The following GABBR2 variants were observed in gnomAD, a reference collection of about 807,000 sequenced individuals.
The protein encoded by GABBR2 is gamma-aminobutyric acid type B receptor subunit 2, also known as G-protein coupled receptor 51.
A neutral mutation model predicts 105.6 loss-of-function variants in GABBR2; 23 were observed. The observed-to-expected ratio is 0.22, with a 90% CI of 0.16 to 0.31. The LOEUF (loss-of-function observed/expected upper bound fraction) is 0.31, where lower values mean the gene tolerates loss of function less well. Ranked by LOEUF, GABBR2 falls within the 10% of genes least tolerant of loss-of-function variation. GABBR2 has a pLI of 1.00. For missense variants in GABBR2, 734 were observed against 1,245.5 expected (o/e 0.59, Z 6.18); for synonymous variants, 478 against 499.7 (o/e 0.96, Z 0.58).
At chr9:98,590,996 G>T (rs1564124108) in intron 1 of GABBR2, among the ~76,000 whole-genome samples, 2 of 152,298 alleles carry the variant, frequency 1.3e-5, no homozygotes, top group East Asian at 3.9e-4. Flanking sequence ...CATAAAAAGT[G>T]ACATACAGTC....
At chr9:98,570,111 A>G (rs1032916874) in intron 2 of GABBR2, among the ~76,000 whole-genome samples, 5 of 152,194 alleles carry the variant, frequency 3.3e-5, no homozygotes, top group Non-Finnish European at 7.3e-5. Flanking sequence ...CATAGAGTCA[A>G]CATCCTCCCA....
At chr9:98,340,727 G>A (rs1588111522) in intron 13 of GABBR2, among the ~76,000 whole-genome samples, 1 of 152,246 alleles carries the variant, frequency 6.6e-6, no homozygotes, top group Non-Finnish European at 1.5e-5. Flanking sequence ...CCCTGATGAT[G>A]AACCATTTAC....
At chr9:98,546,629 C>G (rs1193698551) in intron 2 of GABBR2, among the ~76,000 whole-genome samples, 1 of 152,172 alleles carries the variant, frequency 6.6e-6, no homozygotes, top group Non-Finnish European at 1.5e-5. Flanking sequence ...ATTTGCCTGT[C>G]ACTTTTTTAT....
At chr9:98,349,943 G>A (rs1407312285) in intron 13 of GABBR2, among the ~76,000 whole-genome samples, 1 of 152,042 alleles carries the variant, frequency 6.6e-6, no homozygotes, top group African/African-American at 2.4e-5. Flanking sequence ...ATTGGTCTGT[G>A]TAGGTTTTCT....
In GABBR2 at chr9:98,644,709, G is replaced by A. The variant is rs371604539; in HGVS notation, c.321+63708C>T. Reference sequence around the variant, plus strand: ...ACACAAAAATTAGCTGGGCATAGTGGCAGCCACAGCTACTCAGGAGGCTGA... The same window carrying A: ...ACACAAAAATTAGCTGGGCATAGTGACAGCCACAGCTACTCAGGAGGCTGA... On this transcript the variant is annotated intron_variant, in intron 1 of 18. Transcript: ENST00000259455. Among the ~76,000 whole-genome samples the A allele has an allele frequency of 2.4e-4, 37 of 152,278 alleles. 1 individual carries two copies. Among genetic ancestry groups the A allele is most frequent in the African/African-American group, 8.9e-4 (37 of 41,570 alleles).
chr9:98,644,551 C>T (rs1043833366), intron 1 of GABBR2, among the ~76,000 whole-genome samples: 2 of 152,146 alleles, frequency 1.3e-5, no homozygotes, highest in Non-Finnish European at 2.9e-5. Flanking sequence ...GCAGAAGATA[C>T]TGGGAATGGG....
At chr9:98,467,122 T>G (rs1345281942) in intron 6 of GABBR2, among the ~76,000 whole-genome samples, 1 of 152,216 alleles carries the variant, frequency 6.6e-6, no homozygotes, top group African/African-American at 2.4e-5. Flanking sequence ...CCCGGCCATA[T>G]CTAGCATGGA....
At chr9:98,399,019 C>T (rs946493959) in intron 8 of GABBR2, among the ~76,000 whole-genome samples, 5 of 152,100 alleles carry the variant, frequency 3.3e-5, no homozygotes, top group African/African-American at 9.7e-5. Context: ...GCCCCAGGAG[C>T]ACTTTTTCTC....
Position 98,306,476 on chromosome 9 carries a change from C to T in GABBR2, c.2005-131G>A, listed in dbSNP as rs1460637538. On this transcript the variant is annotated intron_variant, in intron 14 of 18. Coordinates refer to ENST00000259455, the MANE Select transcript of GABBR2 (RefSeq NM_005458.8). This position sits in a 1 kb window ranked among gnomAD's most constrained non-coding sequence, Gnocchi z 5.4. Reference sequence around the variant, plus strand: ...CAGGGAGGGAGGGTCGGGGGCCTTGCTGTCAGCCGGGTCTTCTGGATGTCA... The same window carrying T: ...CAGGGAGGGAGGGTCGGGGGCCTTGTTGTCAGCCGGGTCTTCTGGATGTCA... 2 of 663,518 alleles carry T rather than the reference C, an allele frequency of 3.0e-6. No individual in the cohort carries two copies. The highest frequency in any genetic ancestry group is 5.5e-6 in the Non-Finnish European group (2 of 364,656). 41.1% of individuals were successfully genotyped at this position (663,518 alleles called of 1,614,324 possible). A position where few individuals can be genotyped will look rare whatever the true frequency, so the allele number is the denominator to read the frequency against.
At position 98,388,619 on chromosome 9, in the gene GABBR2, C is replaced by CTGTGTGTGTGTG. The variant is rs113747643; in HGVS notation, c.1529+223_1529+234dup. Among the ~76,000 whole-genome samples the CTGTGTGTGTGTG allele has an allele frequency of 3.3e-3, 471 of 144,546 alleles. 2 individuals are homozygous for CTGTGTGTGTGTG. The highest frequency in any genetic ancestry group is 0.011 in the African/African-American group (446 of 39,210). The allele number at this position is 144,546 out of a possible 152,430, so 94.8% of individuals were successfully genotyped here. A position where few individuals can be genotyped will look rare whatever the true frequency, so the allele number is the denominator to read the frequency against. On this transcript the variant is annotated intron_variant, in intron 10 of 18. Coordinates refer to ENST00000259455, the MANE Select transcript of GABBR2 (RefSeq NM_005458.8). This position sits in a 1 kb window ranked among gnomAD's most constrained non-coding sequence, Gnocchi z 4.4. ...TCCTGTGCAACCAGCAGCCTGGCCTCTGTGTGTGTGTGTGTGTGTGTGTGT... is the reference window on the plus strand; with the variant it reads ...TCCTGTGCAACCAGCAGCCTGGCCTCTGTGTGTGTGTGTGTGTGTGTGTGTGTGTGTGTGTGT...
At chr9:98,460,192 G>A (rs1317937899) in intron 6 of GABBR2, among the ~76,000 whole-genome samples, 1 of 152,158 alleles carries the variant, frequency 6.6e-6, no homozygotes, top group Non-Finnish European at 1.5e-5. Context: ...GATCACCTGA[G>A]GTCAGGAGTT....
chr9:98,439,073 T>C (rs908335852), intron 7 of GABBR2, among the ~76,000 whole-genome samples: 2 of 152,154 alleles, frequency 1.3e-5, no homozygotes, highest in Non-Finnish European at 2.9e-5. Context: ...CCGCCATCTG[T>C]GCTTTCCTTT....
At chr9:98,583,563 G>A (rs769583644) in intron 1 of GABBR2, among the ~76,000 whole-genome samples, 2 of 152,218 alleles carry the variant, frequency 1.3e-5, no homozygotes. Context: ...GGTCCTTACA[G>A]AGTATAGTGT....
At chr9:98,496,316 C>T (rs1281557526) in intron 4 of GABBR2, 97 bp downstream of exon 4, 2 of 799,352 alleles carry the variant, frequency 2.5e-6, no homozygotes, top group Non-Finnish European at 4.4e-6. Flanking sequence ...GAACTTGAGA[C>T]CCAGACCAAA....
At chr9:98,564,813 G>C (rs1044650061) in intron 2 of GABBR2, among the ~76,000 whole-genome samples, 2 of 152,174 alleles carry the variant, frequency 1.3e-5, no homozygotes, top group African/African-American at 4.8e-5. Context: ...CCTCATCAGG[G>C]ATTGTAATAT....
chr9:98,621,013 A>G (rs1298278790), intron 1 of GABBR2, among the ~76,000 whole-genome samples: 1 of 152,232 alleles, frequency 6.6e-6, no homozygotes, highest in Non-Finnish European at 1.5e-5. Flanking sequence ...GGGGGAAAAA[A>G]AAGCTATTAT....
At chr9:98,519,258 C>T (rs753113463) in intron 3 of GABBR2, among the ~76,000 whole-genome samples, 6 of 152,232 alleles carry the variant, frequency 3.9e-5, no homozygotes, top group African/African-American at 1.4e-4. Flanking sequence ...ACAGGACACC[C>T]TATGCATCTG....
In GABBR2 at chr9:98,708,709, G is replaced by A; in HGVS notation, c.29C>T (p.Pro10Leu). MASPRSSGQ[P>L]GPPPPPPPPP... ...CGGTGGCGGCGGCGGCGGCGGCCCG[G>A]GCTGCCCGGAGCTCCGCGGGGAAGC... is the stretch of plus-strand genomic sequence containing the variant. Residue 10 changes from proline to leucine, a missense_variant, in exon 1 of 19, where the codon CCC (proline) becomes CTC (leucine). By Grantham distance (98) the Pro-to-Leu change is moderately conservative. Around this residue, in one of 7 missense-constraint regions of GABBR2, gnomAD observed 70 missense variants for 73.4 expected, o/e 0.95. Coordinates refer to ENST00000259455, the MANE Select transcript of GABBR2 (RefSeq NM_005458.8). The A allele has an allele frequency of 1.0e-6, 1 of 1,003,492 alleles. No individual in the cohort carries two copies. The highest frequency in any genetic ancestry group is 1.2e-6 in the Non-Finnish European group (1 of 844,624). 62.2% of individuals were successfully genotyped at this position (1,003,492 alleles called of 1,614,324 possible). A position where few individuals can be genotyped will look rare whatever the true frequency, so the allele number is the denominator to read the frequency against.
At chr9:98,297,893 G>A (rs1169310146) in intron 17 of GABBR2, among the ~76,000 whole-genome samples, 2 of 149,206 alleles carry the variant, frequency 1.3e-5, no homozygotes, top group Admixed American at 6.7e-5. Flanking sequence ...GTGTGGTGGT[G>A]GGCACCTGTA....
Sources: gnomAD v4.1 joint callset for allele counts (sites outside exome capture counted in the v4.1 genomes callset) on GRCh38, gnomAD v4.1.1 for gene constraint, gnomAD v4.1.1 regional missense constraint, Gnocchi (gnomAD v3.1) non-coding constraint, MANE v1.5 for transcripts, NCBI Gene and HGNC (gene_info 2026-07-23, HGNC 2026-07-21) for gene names.